The following SORCS3 variants were observed in gnomAD, a reference collection of about 807,000 sequenced individuals.
The protein encoded by SORCS3 is sortilin related VPS10 domain containing receptor 3.
SORCS3 carries 57 observed loss-of-function variants against 146.3 expected under a neutral mutation model. The ratio of observed to expected loss-of-function variants is 0.39; its 90% CI spans 0.31 to 0.49. The LOEUF is 0.49. Among genes scored for constraint, SORCS3 ranks in the 20% least tolerant of loss-of-function variants. The pLI is 0.92. For synonymous variants in SORCS3, 653 were observed against 618.5 expected (o/e 1.06, Z -0.83); for missense variants, 1,341 against 1,575.5 (o/e 0.85, Z 2.52).
intron 16 of SORCS3, among the ~76,000 whole-genome samples, chr10:105,201,841 T>G (rs1434276724): frequency 6.6e-6 from 1 of 152,198 alleles, no homozygotes; most frequent in Non-Finnish European, 1.5e-5. Flanking sequence ...TGATTCACTA[T>G]CAGGGTTATC....
At chr10:105,233,725 C>A (rs2056777773) in intron 20 of SORCS3, among the ~76,000 whole-genome samples, 1 of 152,156 alleles carries the variant, frequency 6.6e-6, no homozygotes, top group East Asian at 1.9e-4. Flanking sequence ...CATGTTCCTG[C>A]AAAGGACATG....
intron 1 of SORCS3, among the ~76,000 whole-genome samples, chr10:104,801,412 T>A (rs1292804421): frequency 6.6e-6 from 1 of 152,226 alleles, no homozygotes; most frequent in Admixed American, 6.5e-5. Context: ...TTTCCTCACT[T>A]GTAAAATGGG....
intron 1 of SORCS3, among the ~76,000 whole-genome samples, chr10:104,677,436 G>A (rs2015923468): frequency 6.6e-6 from 1 of 152,248 alleles, no homozygotes; most frequent in Non-Finnish European, 1.5e-5. Context: ...AATAAAGAGA[G>A]GTTGAATGCA....
At chr10:104,839,204 T>A (rs1249516309) in intron 1 of SORCS3, among the ~76,000 whole-genome samples, 2 of 152,228 alleles carry the variant, frequency 1.3e-5, no homozygotes, top group Non-Finnish European at 2.9e-5. Context: ...TAGACTTTAG[T>A]TGAGAAGGCC....
chr10:104,952,408 T>A (rs2019442041), intron 3 of SORCS3, among the ~76,000 whole-genome samples: 1 of 151,906 alleles, frequency 6.6e-6, no homozygotes. Flanking sequence ...AAGTGTAGAA[T>A]CTCACACTCT....
chr10:104,718,627 A>G (rs927488030), intron 1 of SORCS3, among the ~76,000 whole-genome samples: 1 of 152,160 alleles, frequency 6.6e-6, no homozygotes, highest in Non-Finnish European at 1.5e-5. Context: ...GCAGGAAATA[A>G]ATCTGGAGCC....
At chr10:105,007,010 C>T (rs1215844809) in intron 4 of SORCS3, among the ~76,000 whole-genome samples, 1 of 152,174 alleles carries the variant, frequency 6.6e-6, no homozygotes, top group Non-Finnish European at 1.5e-5. Flanking sequence ...TCTAGACTTA[C>T]CTGTTGACCA....
At chr10:105,179,459 G>C (rs1235741152) in intron 14 of SORCS3, among the ~76,000 whole-genome samples, 2 of 152,176 alleles carry the variant, frequency 1.3e-5, no homozygotes, top group Non-Finnish European at 1.5e-5. Flanking sequence ...GCTTGACAGA[G>C]CTTCTGTGCC....
intron 7 of SORCS3, among the ~76,000 whole-genome samples, chr10:105,135,615 C>G (rs542759337): frequency 6.6e-6 from 1 of 152,266 alleles, no homozygotes; most frequent in East Asian, 1.9e-4. Flanking sequence ...ATTCATGTCT[C>G]TCTTCTTGCG....
chr10:104,991,778 C>T (rs1353899495), intron 4 of SORCS3, among the ~76,000 whole-genome samples: 1 of 152,130 alleles, frequency 6.6e-6, no homozygotes, highest in Non-Finnish European at 1.5e-5. Flanking sequence ...GGATTATAGG[C>T]GTGAGCCACT....
Position 105,184,601 on chromosome 10 carries a change from A to C in SORCS3, c.2009+6428A>C, listed in dbSNP as rs142365030. On this transcript the variant is annotated intron_variant, in intron 14 of 26. Coordinates refer to ENST00000369701, the MANE Select transcript of SORCS3 (RefSeq NM_014978.3). ...CTGCCTAATGAAATATTGAAAATAT[A>C]CTTTTTATGAAATGGCTTAGAAGTT... Among the ~76,000 whole-genome samples the C allele has an allele frequency of 7.6e-3, 1,156 of 152,338 alleles. 12 individuals carry two copies. Among genetic ancestry groups the C allele is most frequent in the African/African-American group, 0.026 (1,100 of 41,580 alleles).
chr10:105,243,679 C>T (rs528934362), intron 20 of SORCS3, among the ~76,000 whole-genome samples: 1 of 152,342 alleles, frequency 6.6e-6, no homozygotes, highest in Non-Finnish European at 1.5e-5. Flanking sequence ...CCTTTCCATA[C>T]TCCCTTTCTT....
intron 5 of SORCS3, among the ~76,000 whole-genome samples, chr10:105,052,624 C>T (rs923291316): frequency 2.0e-5 from 3 of 151,962 alleles, no homozygotes; most frequent in South Asian, 4.2e-4. Flanking sequence ...CTCAGATTGC[C>T]TTCAGTACTT....
chr10:105,242,646 A>G (rs1471215255), intron 20 of SORCS3, among the ~76,000 whole-genome samples: 3 of 94,710 alleles, frequency 3.2e-5, no homozygotes, highest in Non-Finnish European at 5.7e-5. Context: ...ATTTATATAT[A>G]TATTTATATA....
intron 5 of SORCS3, among the ~76,000 whole-genome samples, chr10:105,078,738 G>A (rs1163026031): frequency 6.6e-6 from 1 of 152,076 alleles, no homozygotes; most frequent in Non-Finnish European, 1.5e-5. Context: ...TAATCAATTA[G>A]TTCTCATAAA....
At chr10:104,735,141 C>T (rs1368183595) in intron 1 of SORCS3, among the ~76,000 whole-genome samples, 1 of 152,204 alleles carries the variant, frequency 6.6e-6, no homozygotes. Context: ...CTGTTCCCTG[C>T]CGCTTGCCTT....
chr10:105,244,906 T>G (rs2056856473), intron 20 of SORCS3, among the ~76,000 whole-genome samples: 2 of 151,638 alleles, frequency 1.3e-5, no homozygotes, highest in Admixed American at 6.6e-5. Flanking sequence ...CCATCTCCAC[T>G]AAAATATAAA....
chr10:105,157,214 A>G lies in SORCS3; in HGVS notation c.1559A>G (p.Lys520Arg). 1 of 1,614,084 alleles carries G rather than the reference A, an allele frequency of 6.2e-7. No homozygotes were observed. Among genetic ancestry groups the G allele is most frequent in the South Asian group, 1.1e-5 (1 of 91,082 alleles). ...DQVKTYITYNKGRDWRLLQAP... is the reference protein window; with the variant it reads ...DQVKTYITYNRGRDWRLLQAP... ...GTGAAGACATACATCACTTACAACA[A>G]AGGCAGGGATTGGCGCCTGCTGCAA... Residue 520 changes from lysine (K) to arginine (R), a missense_variant, in exon 10 of 27, where the codon AAA (lysine) becomes AGA (arginine). Physicochemically the swap from Lys to Arg is conservative, Grantham distance 26. Coordinates refer to ENST00000369701, the MANE Select transcript of SORCS3 (RefSeq NM_014978.3).
intron 1 of SORCS3, among the ~76,000 whole-genome samples, chr10:104,731,544 TCA>T (rs1374952723): frequency 6.6e-6 from 1 of 152,164 alleles, no homozygotes; most frequent in East Asian, 1.9e-4. Flanking sequence ...CTTGGGAGGC[TCA>T]GTTTCCCTGT....
Sources: allele counts gnomAD v4.1 joint callset (sites outside exome capture counted in the v4.1 genomes callset), GRCh38; gene constraint gnomAD v4.1.1; transcripts MANE v1.5; gene names NCBI Gene and HGNC (gene_info 2026-07-23, HGNC 2026-07-21).